The following MTPN variants were observed in gnomAD, a reference collection of about 807,000 sequenced individuals.
MTPN encodes granule cell differentiation protein.
A neutral mutation model predicts 13.5 loss-of-function variants in MTPN; 2 were observed. The observed-to-expected ratio is 0.15, with a 90% CI of 0.06 to 0.47. The LOEUF (loss-of-function observed/expected upper bound fraction) is 0.47. MTPN is among the 20% of genes least tolerant of loss of function. MTPN has a pLI of 0.97. For missense variants in MTPN, 79 were observed against 137.9 expected (o/e 0.57, Z 2.14); for synonymous variants, 46 against 51.7 (o/e 0.89, Z 0.48).
At chr7:135,942,429 T>C (rs1026204190) in intron 3 of MTPN, among the ~76,000 whole-genome samples, 1 of 152,194 alleles carries the variant, frequency 6.6e-6, no homozygotes, top group Admixed American at 6.5e-5. Flanking sequence ...AGTACTTGGC[T>C]ATACTGAGAG....
Position 135,928,096 on chromosome 7 carries a change from G to A in MTPN, c.*1830C>T, listed in dbSNP as rs1408417599. On this transcript the variant is annotated 3_prime_UTR_variant, in exon 4 of 4. Coordinates refer to ENST00000393085, the MANE Select transcript of MTPN (RefSeq NM_145808.4). ...GGATGTCTCCATATTTTAGTTCAGT[G>A]ATGTAATAAAGTACTGATTACTGAT... 1 of 177,142 alleles carries A rather than the reference G, an allele frequency of 5.6e-6. No individual in the cohort carries two copies. Among genetic ancestry groups the A allele is most frequent in the Non-Finnish European group, 1.3e-5 (1 of 74,988 alleles). 11.0% of individuals were successfully genotyped at this position (177,142 alleles called of 1,614,324 possible).
intron 3 of MTPN, among the ~76,000 whole-genome samples, chr7:135,947,009 ATGTTTCT>A (rs1423007256): frequency 1.3e-5 from 2 of 152,096 alleles, no homozygotes; most frequent in Admixed American, 6.5e-5. Context: ...TAGTTTTACC[ATGTTTCT>A]CAGGTACTCT....
At chr7:135,972,620 A>G (rs116585848) in intron 1 of MTPN, among the ~76,000 whole-genome samples, 1,945 of 152,286 alleles carry the variant, frequency 0.013, 36 homozygotes, top group African/African-American at 0.044. Flanking sequence ...GAAAAAGAAT[A>G]TATTATCTAC....
rs1799782184 is a variant in MTPN at position 135,976,884 on chromosome 7, G to A, written c.72+145C>T. 7 of 739,344 alleles carry A rather than the reference G, an allele frequency of 9.5e-6. No individual in the cohort carries two copies. The South Asian group carries it at 1.1e-4, about 12-fold the overall frequency. 45.8% of individuals were successfully genotyped at this position (739,344 alleles called of 1,614,324 possible). On this transcript the variant is annotated intron_variant, in intron 1 of 3. Coordinates refer to ENST00000393085, the MANE Select transcript of MTPN (RefSeq NM_145808.4). Reference sequence around the variant, plus strand: ...CTTTCAGTTTAGCTCCTCCCTAGACGCCCCTCTCTCCTTGGTGCCGCCTCC... The same window carrying A: ...CTTTCAGTTTAGCTCCTCCCTAGACACCCCTCTCTCCTTGGTGCCGCCTCC...
intron 1 of MTPN, among the ~76,000 whole-genome samples, chr7:135,968,398 A>C (rs1799638054): frequency 6.6e-6 from 1 of 152,002 alleles, no homozygotes; most frequent in Non-Finnish European, 1.5e-5. Context: ...TTCTTTCAGT[A>C]ATCACAGCTC....
At chr7:135,976,924 T>TACAAAC in intron 1 of MTPN, 105 bp downstream of exon 1, 1 of 724,842 alleles carries the variant, frequency 1.4e-6, no homozygotes, top group East Asian at 2.9e-5. Flanking sequence ...AGGAAGTCTC[T>TACAAAC]CCTCCCGCCC....
chr7:135,957,022 G>A (rs1043490788), intron 1 of MTPN, among the ~76,000 whole-genome samples: 1 of 152,144 alleles, frequency 6.6e-6, no homozygotes, highest in South Asian at 2.1e-4. Flanking sequence ...CAAATACAAA[G>A]CTTCCCTTTA....
intron 1 of MTPN, among the ~76,000 whole-genome samples, chr7:135,952,192 G>A (rs752282424): frequency 4.6e-5 from 7 of 152,182 alleles, no homozygotes; most frequent in East Asian, 1.9e-4. Flanking sequence ...GAAGCTTACC[G>A]TCTGGGGTTG....
intron 3 of MTPN, among the ~76,000 whole-genome samples, chr7:135,936,074 GT>G (rs1272155899): frequency 1.2e-4 from 18 of 152,100 alleles, no homozygotes; most frequent in African/African-American, 4.3e-4. Context: ...GGCACTGATT[GT>G]TTTACATATT....
Position 135,977,237 on chromosome 7 carries a change from C to T in MTPN, c.-137G>A. ...GAAGAAGAGAAGGAGGGTTAGGCTG[C>T]CAGGCGGGCGAGGCAGTTGGCCGCG... On this transcript the variant is annotated 5_prime_UTR_variant, in exon 1 of 4. Transcript: ENST00000393085. 1 of 863,392 alleles carries T rather than the reference C, an allele frequency of 1.2e-6. No homozygotes were observed. The highest frequency in any genetic ancestry group is 2.5e-5 in the East Asian group (1 of 40,250). 53.5% of individuals were successfully genotyped at this position (863,392 alleles called of 1,614,324 possible). A position where few individuals can be genotyped will look rare whatever the true frequency, so the allele number is the denominator to read the frequency against.
intron 3 of MTPN, among the ~76,000 whole-genome samples, chr7:135,935,007 C>T (rs1799092725): frequency 6.6e-6 from 1 of 152,172 alleles, no homozygotes; most frequent in South Asian, 2.1e-4. Flanking sequence ...ACCTTGAATT[C>T]AACCTCTCCC....
chr7:135,952,024 T>A (rs1038782508), intron 1 of MTPN, among the ~76,000 whole-genome samples: 2 of 152,348 alleles, frequency 1.3e-5, no homozygotes, highest in East Asian at 3.9e-4. Flanking sequence ...ATTCCCACTT[T>A]GATGTAGGCA....
chr7:135,976,317 A>G (rs1799772268), intron 1 of MTPN, among the ~76,000 whole-genome samples: 1 of 152,246 alleles, frequency 6.6e-6, no homozygotes, highest in Non-Finnish European at 1.5e-5. Flanking sequence ...TAAGCATTTC[A>G]GGTGAAATCA....
chr7:135,966,062 A>T (rs530034163), intron 1 of MTPN, among the ~76,000 whole-genome samples: 1 of 152,252 alleles, frequency 6.6e-6, no homozygotes, highest in South Asian at 2.1e-4. Flanking sequence ...AGCAACAGAA[A>T]CCAAATCAGA....
At chr7:135,930,868 T>C (rs1799009567) in intron 3 of MTPN, among the ~76,000 whole-genome samples, 1 of 152,132 alleles carries the variant, frequency 6.6e-6, no homozygotes, top group South Asian at 2.1e-4. Context: ...CTCCAGCCAG[T>C]ATTTATTCAC....
At chr7:135,930,521 A>G (rs760057471) in intron 3 of MTPN, among the ~76,000 whole-genome samples, 5 of 152,196 alleles carry the variant, frequency 3.3e-5, no homozygotes, top group African/African-American at 4.8e-5. Flanking sequence ...GATGCGGACT[A>G]TAAGAAGGTT....
chr7:135,936,952 A>G (rs1265698800), intron 3 of MTPN, among the ~76,000 whole-genome samples: 1 of 152,220 alleles, frequency 6.6e-6, no homozygotes, highest in African/African-American at 2.4e-5. Flanking sequence ...GTTTAAAAAA[A>G]CTTCAAGTCA....
Position 135,929,774 on chromosome 7 carries a change from G to T in MTPN, c.*152C>A, listed in dbSNP as rs1410331695. ...TCCTCCAAAACAATTTTTTTTTTCT[G>T]GTAGTCGGATTTGTTATGAATTTCT... is the stretch of plus-strand genomic sequence containing the variant. On this transcript the variant is annotated 3_prime_UTR_variant, in exon 4 of 4. Transcript: ENST00000393085. 12 of 719,190 alleles carry T rather than the reference G, an allele frequency of 1.7e-5. No individual in the cohort carries two copies. The highest frequency in any genetic ancestry group is 5.7e-5 in the South Asian group (3 of 52,774). The allele number at this position is 719,190 out of a possible 1,614,324, so 44.6% of individuals were successfully genotyped here. A position where few individuals can be genotyped will look rare whatever the true frequency, so the allele number is the denominator to read the frequency against.
chr7:135,944,774 G>A (rs1335765289), intron 3 of MTPN, among the ~76,000 whole-genome samples: 1 of 152,160 alleles, frequency 6.6e-6, no homozygotes, highest in Non-Finnish European at 1.5e-5. Context: ...CCAATTATAT[G>A]TAACTGTGAA....
Sources: allele counts gnomAD v4.1 joint callset (sites outside exome capture counted in the v4.1 genomes callset), GRCh38; gene constraint gnomAD v4.1.1; transcripts MANE v1.5; gene names NCBI Gene and HGNC (gene_info 2026-07-23, HGNC 2026-07-21).